Variants in TM4SF1 observed in about 807,000 individuals in gnomAD.
The protein encoded by TM4SF1 is transmembrane 4 L6 family member 1.
Under a neutral mutation model 24.5 loss-of-function variants are expected in TM4SF1, and 20 were observed. The observed-to-expected ratio is 0.82, with a 90% CI of 0.57 to 1.19. The LOEUF (loss-of-function observed/expected upper bound fraction) is 1.19. Ranked by LOEUF, TM4SF1 falls within the 50% of genes most tolerant of loss-of-function variation. TM4SF1 has a pLI of 0.00. For synonymous variants in TM4SF1, 107 were observed against 95.4 expected (o/e 1.12, Z -0.71); for missense variants, 258 against 248.1 (o/e 1.04, Z -0.27).
intron 3 of TM4SF1, among the ~76,000 whole-genome samples, chr3:149,373,325 T>C (rs1731874548): frequency 6.6e-6 from 1 of 152,238 alleles, no homozygotes. Context: ...ATTCTTCCAG[T>C]CTGAAAAATT....
Position 149,375,680 on chromosome 3 carries a change from C to G in TM4SF1, c.267G>C (p.Ala89=), listed in dbSNP as rs547866298. Residue 89 remains alanine (A), a splice_region_variant and synonymous_variant, in exon 2 of 5, where the codon GCG becomes GCC. Transcript: ENST00000305366. The stretch of plus-strand genomic sequence containing the variant: ...TCACCACCAGGGCAGGAGGACCTAC[C>G]GCACATCGTTTGCCACAGTTTTCAT... ...CGHENCGKRC[A]MLSSVLAALI... is the part of the protein sequence containing the mutation. 1.9e-6 allele frequency: 3 copies of G among 1,614,166 alleles called. No homozygotes were observed. Among genetic ancestry groups the G allele is most frequent in the Non-Finnish European group, 2.5e-6 (3 of 1,180,018 alleles).
chr3:149,377,266 T>G (rs1731977187), intron 1 of TM4SF1, 105 bp downstream of exon 1: 4 of 1,405,962 alleles, frequency 2.8e-6, no homozygotes, highest in Admixed American at 2.5e-5. Flanking sequence ...AACAAAAAAG[T>G]CACTTGATTT....
intron 1 of TM4SF1, 145 bp from the exon 2 acceptor site, chr3:149,375,914 C>T: frequency 1.4e-6 from 1 of 730,720 alleles, no homozygotes; most frequent in East Asian, 2.7e-5. Context: ...AGAATGTAAA[C>T]CTCTGAGGAG....
chr3:149,371,513 A>T (rs907018076), intron 4 of TM4SF1, 174 bp downstream of exon 4: 2 of 673,196 alleles, frequency 3.0e-6, no homozygotes, highest in Non-Finnish European at 5.1e-6. Context: ...GTGAGACTCG[A>T]GGAAGCTTGT....
intron 3 of TM4SF1, among the ~76,000 whole-genome samples, chr3:149,372,976 C>T (rs900034748): frequency 6.6e-6 from 1 of 152,100 alleles, no homozygotes; most frequent in African/African-American, 2.4e-5. Context: ...AAGGAAGAGA[C>T]AAGTCACAAG....
intron 3 of TM4SF1, among the ~76,000 whole-genome samples, chr3:149,372,225 T>C (rs759120041): frequency 4.6e-5 from 7 of 152,188 alleles, no homozygotes; most frequent in Non-Finnish European, 7.3e-5. Context: ...AAGATTCATG[T>C]ATGTGTAGGA....
chr3:149,373,597 T>C (rs943054227), intron 3 of TM4SF1, among the ~76,000 whole-genome samples: 5 of 152,208 alleles, frequency 3.3e-5, no homozygotes, highest in African/African-American at 1.2e-4. Context: ...TTTGTGGCCC[T>C]GTCTTTCTGC....
intron 4 of TM4SF1, chr3:149,371,455 C>G (rs1731818255): frequency 1.7e-6 from 1 of 603,234 alleles, no homozygotes; most frequent in Non-Finnish European, 2.9e-6. Context: ...GCAGCATGTT[C>G]TTGTGTACAT....
chr3:149,369,943 C>T, intron 4 of TM4SF1, 63 bp from the exon 5 acceptor site: 3 of 1,552,322 alleles, frequency 1.9e-6, no homozygotes, highest in Non-Finnish European at 2.6e-6. Flanking sequence ...CATTTTAGTC[C>T]TTTAAGTTCC....
Position 149,375,775 on chromosome 3 carries a change from T to C in TM4SF1, c.178-6A>G. The C allele has an allele frequency of 6.2e-7, 1 of 1,614,168 alleles. No homozygotes were observed. The highest frequency in any genetic ancestry group is 8.5e-7 in the Non-Finnish European group (1 of 1,179,998). On this transcript the variant is annotated splice_region_variant and splice_polypyrimidine_tract_variant and intron_variant, in intron 1 of 4. Transcript: ENST00000305366. ...ACAAATGCTGGCAGGAGCATCTGGT[T>C]AGGAAACAAACAAAGTCAGGTCATT...
chr3:149,374,179 A>G (rs1022529598), intron 3 of TM4SF1, among the ~76,000 whole-genome samples: 6 of 152,296 alleles, frequency 3.9e-5, no homozygotes, highest in Non-Finnish European at 7.3e-5. Flanking sequence ...TTCTCATGAC[A>G]ATTGCCATTG....
chr3:149,369,667 C>G lies in TM4SF1; in HGVS notation c.*199G>C. The stretch of plus-strand genomic sequence containing the variant: ...CTCATTCCTTAAAAAAAAACAAAAA[C>G]AAATAAACAAACAAAAAAGAAGTTT... On this transcript the variant is annotated 3_prime_UTR_variant, in exon 5 of 5. Coordinates refer to ENST00000305366, the MANE Select transcript of TM4SF1 (RefSeq NM_014220.3). 1 of 613,664 alleles carries G rather than the reference C, an allele frequency of 1.6e-6. No individual in the cohort carries two copies. Among genetic ancestry groups the G allele is most frequent in the Non-Finnish European group, 2.6e-6 (1 of 381,974 alleles). The allele number at this position is 613,664 out of a possible 1,614,324, so 38.0% of individuals were successfully genotyped here.
At chr3:149,375,407 TA>T (rs1731923788) in intron 3 of TM4SF1, 35 bp downstream of exon 3, 7 of 1,610,384 alleles carry the variant, frequency 4.3e-6, no homozygotes, top group Non-Finnish European at 5.9e-6. Context: ...ATGTGGTGGA[TA>T]AAAATGTGTA....
Position 149,371,699 on chromosome 3 carries a change from G to T in TM4SF1, c.582C>A (p.Cys194Ter). The T allele has an allele frequency of 6.2e-7, 1 of 1,614,172 alleles. No individual in the cohort carries two copies. The highest frequency in any genetic ancestry group is 8.5e-7 in the Non-Finnish European group (1 of 1,180,016). Residue 194 changes from cysteine to a stop codon, truncating the protein, a stop_gained, in exon 4 of 5, where the codon TGC becomes TGA. Coordinates refer to ENST00000305366, the MANE Select transcript of TM4SF1 (RefSeq NM_014220.3). LOFTEE classifies it high-confidence loss of function. ...TGCAGGTTCTTACCTGTTGGTGAGA[G>T]CAGCAAAAGCCACATATGCCTCCAA... ...GVLGGICGFC[C>*]SHQQQYDC is the part of the protein sequence containing the mutation.
Position 149,375,576 on chromosome 3 carries a change from C to T in TM4SF1, c.280G>A (p.Val94Ile). ...CGKRCAMLSS[V>I]LAALIGIAGS... ...GCAATTCCAATGAGAGCAGCCAATA[C>T]AGAAGAAAGCATCTAGGGAAAAGCA... Residue 94 changes from valine (V) to isoleucine (I), a missense_variant, in exon 3 of 5, where the codon GTA becomes ATA. Val to Ile is a conservative substitution (Grantham distance 29). Coordinates refer to ENST00000305366, the MANE Select transcript of TM4SF1 (RefSeq NM_014220.3). 1.2e-6 allele frequency: 2 copies of T among 1,614,222 alleles called. No homozygotes were observed. The highest frequency in any genetic ancestry group is 1.7e-6 in the Non-Finnish European group (2 of 1,180,040).
intron 3 of TM4SF1, 113 bp from the exon 4 acceptor site, chr3:149,371,980 T>A (rs1411991077): frequency 2.9e-6 from 3 of 1,048,272 alleles, no homozygotes; most frequent in Non-Finnish European, 2.8e-6. Context: ...TTATTCAATA[T>A]CCTGTGTAAG....
chr3:149,369,998 C>A, intron 4 of TM4SF1, 118 bp from the exon 5 acceptor site: 1 of 1,276,554 alleles, frequency 7.8e-7, no homozygotes, highest in Non-Finnish European at 1.1e-6. Context: ...TTCAGCAAAG[C>A]TTAGGCCAAC....
chr3:149,369,684 A>C lies in TM4SF1; in HGVS notation c.*182T>G, dbSNP rs572369756. 4.4e-4 allele frequency: 304 copies of C among 686,938 alleles called. 2 individuals are homozygous for C. In the South Asian group the frequency reaches 6.6e-3, roughly 15 times the overall value. The allele number at this position is 686,938 out of a possible 1,614,324, so 42.6% of individuals were successfully genotyped here. A position where few individuals can be genotyped will look rare whatever the true frequency, so the allele number is the denominator to read the frequency against. ...AACAAAAACAAATAAACAAACAAAA[A>C]AGAAGTTTACTAAATTTAAACACTG... On this transcript the variant is annotated 3_prime_UTR_variant, in exon 5 of 5. Coordinates refer to ENST00000305366, the MANE Select transcript of TM4SF1 (RefSeq NM_014220.3).
intron 1 of TM4SF1, 106 bp downstream of exon 1, chr3:149,377,265 G>T: frequency 1.4e-6 from 2 of 1,403,436 alleles, no homozygotes; most frequent in East Asian, 4.8e-5. Context: ...CAACAAAAAA[G>T]TCACTTGATT....
Sources: gnomAD v4.1 joint callset for allele counts (sites outside exome capture counted in the v4.1 genomes callset) on GRCh38, gnomAD v4.1.1 for gene constraint, MANE v1.5 for transcripts, NCBI Gene and HGNC (gene_info 2026-07-23, HGNC 2026-07-21) for gene names.